Variants in ALG5 observed in about 807,000 individuals in gnomAD.
ALG5 encodes the protein ALG5 dolichyl-phosphate beta-glucosyltransferase.
A neutral mutation model predicts 51.8 loss-of-function variants in ALG5; 26 were observed. The ratio of observed to expected loss-of-function variants is 0.50; its 90% CI spans 0.37 to 0.70. ALG5 has a LOEUF of 0.70. Among genes scored for constraint, ALG5 ranks in the 30% least tolerant of loss-of-function variants. The pLI is 0.00. For missense variants in ALG5, 311 were observed against 399.3 expected (o/e 0.78, Z 1.88); for synonymous variants, 141 against 136.1 (o/e 1.04, Z -0.25).
At chr13:36,990,826 ACT>A (rs2059022243) in intron 4 of ALG5, among the ~76,000 whole-genome samples, 1 of 152,146 alleles carries the variant, frequency 6.6e-6, no homozygotes, top group African/African-American at 2.4e-5. Context: ...ACTATAACTC[ACT>A]GACTGATTTG....
chr13:36,957,842 T>C (rs1254521873), intron 8 of ALG5, among the ~76,000 whole-genome samples: 1 of 152,110 alleles, frequency 6.6e-6, no homozygotes, highest in Admixed American at 6.5e-5. Context: ...GGAAAGGAAC[T>C]ATTCCACCCT....
At chr13:36,969,580 C>G (rs926541762) in intron 7 of ALG5, among the ~76,000 whole-genome samples, 7 of 151,972 alleles carry the variant, frequency 4.6e-5, no homozygotes, top group African/African-American at 1.5e-4. Flanking sequence ...GTCGCCCAGG[C>G]TGGAGTGCAG....
intron 6 of ALG5, among the ~76,000 whole-genome samples, chr13:36,977,257 T>A (rs1372230210): frequency 1.3e-5 from 2 of 152,220 alleles, no homozygotes; most frequent in African/African-American, 4.8e-5. Context: ...TTAGAAAATG[T>A]CTGTAGACAT....
At chr13:36,995,310 G>A in intron 2 of ALG5, 115 bp downstream of exon 2, 1 of 1,112,402 alleles carries the variant, frequency 9.0e-7, no homozygotes, top group Non-Finnish European at 1.3e-6. Flanking sequence ...TCAACTGTGT[G>A]CTCAACACAG....
chr13:36,995,926 C>G lies in ALG5; in HGVS notation c.67-330G>C, dbSNP rs374030714. On this transcript the variant is annotated intron_variant, in intron 1 of 9. Transcript: ENST00000239891. ...GAAGACCAGTCTACTCTCAGGTGCCCTAAAACCCTGATCCTTAGCGTGTCT... is the reference window on the plus strand; with the variant it reads ...GAAGACCAGTCTACTCTCAGGTGCCGTAAAACCCTGATCCTTAGCGTGTCT... Among the ~76,000 whole-genome samples, 10 of 152,248 alleles carry G rather than the reference C, an allele frequency of 6.6e-5. No individual in the cohort carries two copies. In the East Asian group the frequency reaches 1.4e-3, roughly 21 times the overall value.
intron 1 of ALG5, among the ~76,000 whole-genome samples, chr13:36,996,340 A>G (rs1374396196): frequency 1.3e-5 from 2 of 152,216 alleles, no homozygotes; most frequent in African/African-American, 2.4e-5. Context: ...TTGTAATTTA[A>G]TGATCAATTT....
At position 36,951,385 on chromosome 13, in the gene ALG5, A is replaced by G. The variant is rs2058817304; in HGVS notation, c.859+1129T>C. ...CAGTTTGATTCAGCAAGATGTAAAG[A>G]GGTTTGAATTCATCCTAGACTATAC... On this transcript the variant is annotated intron_variant, in intron 9 of 9. Coordinates refer to ENST00000239891, the MANE Select transcript of ALG5 (RefSeq NM_013338.5). 2.0e-5 allele frequency among the ~76,000 whole-genome samples: 3 copies of G among 152,222 alleles called. No homozygotes were observed. In the South Asian group the frequency reaches 6.2e-4, roughly 32 times the overall value.
chr13:36,990,901 C>T (rs1274633787), intron 4 of ALG5, among the ~76,000 whole-genome samples: 2 of 152,168 alleles, frequency 1.3e-5, no homozygotes, highest in African/African-American at 2.4e-5. Flanking sequence ...GGCCTTATCC[C>T]CTAAAGTCCC....
chr13:36,971,649 CA>C (rs35424140), intron 7 of ALG5, among the ~76,000 whole-genome samples: 11 of 50,700 alleles, frequency 2.2e-4, no homozygotes, highest in Non-Finnish European at 3.0e-4. Context: ...ACTCCGTCTC[CA>C]AAAAAAAAAA....
chr13:36,995,461 A>G lies in ALG5; in HGVS notation c.202T>C (p.Ser68Pro), dbSNP rs2059044937. The G allele has an allele frequency of 6.2e-7, 1 of 1,612,766 alleles. No homozygotes were observed. The highest frequency in any genetic ancestry group is 8.5e-7 in the Non-Finnish European group (1 of 1,179,754). Residue 68 changes from serine to proline, a missense_variant, in exon 2 of 10, where the codon TCT (serine) becomes CCT (proline). Physicochemically the swap from Ser to Pro is moderately conservative, Grantham distance 74. Coordinates refer to ENST00000239891, the MANE Select transcript of ALG5 (RefSeq NM_013338.5). ...TCATTGTATGAAGGCACAACGACAG[A>G]AAGTTGTTTGGTAGGTGAGTCCCAT... Reference protein sequence around the residue: ...SIWDSPTKQLSVVVPSYNEEK... With the variant: ...SIWDSPTKQLPVVVPSYNEEK...
intron 4 of ALG5, among the ~76,000 whole-genome samples, chr13:36,993,022 A>G (rs2059032284): frequency 6.6e-6 from 1 of 152,196 alleles, no homozygotes; most frequent in African/African-American, 2.4e-5. Flanking sequence ...GAAGATGCAC[A>G]GCCTCAGCTG....
At position 36,972,052 on chromosome 13, in the gene ALG5, G is replaced by A; in HGVS notation, c.562-16C>T. 19 of 1,575,600 alleles carry A rather than the reference G, an allele frequency of 1.2e-5. No homozygotes were observed. The highest frequency in any genetic ancestry group is 1.6e-5 in the Non-Finnish European group (19 of 1,157,862). On this transcript the variant is annotated splice_polypyrimidine_tract_variant and intron_variant, in intron 6 of 9. Transcript: ENST00000239891. ...CCATTTGATTCTGAGGGAAAAAGCA[G>A]AGATAGTTTTTCAATATTTAAATAT...
At chr13:36,991,274 G>A (rs1453576129) in intron 4 of ALG5, among the ~76,000 whole-genome samples, 2 of 151,908 alleles carry the variant, frequency 1.3e-5, no homozygotes, top group African/African-American at 2.4e-5. Context: ...TAGCCTCCAT[G>A]CCCATCCCCA....
At position 36,959,497 on chromosome 13, in the gene ALG5, T is replaced by C. The variant is rs543180857; in HGVS notation, c.773+6078A>G. ...CAATTTACAAAAAATTAGAAGGACCTACTGAATACTCAACAAAATGCATGA... is the reference window on the plus strand; with the variant it reads ...CAATTTACAAAAAATTAGAAGGACCCACTGAATACTCAACAAAATGCATGA... On this transcript the variant is annotated intron_variant, in intron 8 of 9. Transcript: ENST00000239891. Among the ~76,000 whole-genome samples the C allele has an allele frequency of 2.6e-5, 4 of 152,244 alleles. No individual in the cohort carries two copies. In the East Asian group the frequency reaches 7.7e-4, roughly 29 times the overall value.
chr13:36,966,034 A>C (rs2058891822), intron 7 of ALG5, among the ~76,000 whole-genome samples: 1 of 152,202 alleles, frequency 6.6e-6, no homozygotes, highest in Non-Finnish European at 1.5e-5. Context: ...AGCAAGGAGA[A>C]CGTCTTGTTT....
intron 8 of ALG5, among the ~76,000 whole-genome samples, chr13:36,955,812 A>G (rs1163018050): frequency 1.3e-5 from 2 of 152,016 alleles, no homozygotes; most frequent in African/African-American, 4.8e-5. Context: ...CTGGACCCTT[A>G]TATCAAAAAA....
At chr13:36,972,217 G>A (rs1277162291) in intron 6 of ALG5, among the ~76,000 whole-genome samples, 181 bp from the exon 7 acceptor site, 1 of 152,110 alleles carries the variant, frequency 6.6e-6, no homozygotes, top group Non-Finnish European at 1.5e-5. Context: ...ATCATACTAA[G>A]AGGACACTAA....
intron 8 of ALG5, among the ~76,000 whole-genome samples, chr13:36,958,338 T>C (rs577980183): frequency 1.3e-5 from 2 of 152,302 alleles, no homozygotes; most frequent in East Asian, 3.9e-4. Context: ...CACACCCATA[T>C]GCCCCTGCAC....
At chr13:36,973,587 T>A (rs2058936313) in intron 6 of ALG5, among the ~76,000 whole-genome samples, 1 of 152,188 alleles carries the variant, frequency 6.6e-6, no homozygotes, top group South Asian at 2.1e-4. Context: ...ATCCATTTGT[T>A]AGTAACATTT....
Sources: allele counts gnomAD v4.1 joint callset (sites outside exome capture counted in the v4.1 genomes callset), GRCh38; gene constraint gnomAD v4.1.1; transcripts MANE v1.5; gene names NCBI Gene and HGNC (gene_info 2026-07-23, HGNC 2026-07-21).